CNTN1: variants seen among roughly 807,000 people sequenced by gnomAD.
CNTN1 encodes contactin 1, also known as contactin-1.
Under a neutral mutation model 126.4 loss-of-function variants are expected in CNTN1, and 38 were observed. The observed-to-expected ratio is 0.30, with a 90% CI of 0.23 to 0.39. The LOEUF is 0.39. CNTN1 is among the 10% of genes least tolerant of loss of function. The pLI is 1.00. For synonymous variants in CNTN1, 413 were observed against 422.6 expected (o/e 0.98, Z 0.28); for missense variants, 1,009 against 1,248.4 (o/e 0.81, Z 2.89).
chr12:40,789,337 T>G (rs11178380), intron 1 of CNTN1, among the ~76,000 whole-genome samples: 12,112 of 152,188 alleles, frequency 0.08, 553 homozygotes, highest in Non-Finnish European at 0.094. Context: ...TGGGTTCCCT[T>G]CTTTCTCAGA....
chr12:40,823,645 T>C (rs1283693471), intron 1 of CNTN1, among the ~76,000 whole-genome samples: 1 of 152,206 alleles, frequency 6.6e-6, no homozygotes, highest in East Asian at 1.9e-4. Flanking sequence ...ATATGTTTAC[T>C]TATCCACATT....
At chr12:40,926,224 T>TAGATAG (rs1945690748) in intron 6 of CNTN1, among the ~76,000 whole-genome samples, 3 of 83,284 alleles carry the variant, frequency 3.6e-5, no homozygotes, top group East Asian at 4.2e-4. Flanking sequence ...TAGATAGATA[T>TAGATAG]AATGCAGGGA....
intron 1 of CNTN1, among the ~76,000 whole-genome samples, chr12:40,825,787 CTT>C (rs767956011): frequency 3.3e-5 from 5 of 152,090 alleles, no homozygotes; most frequent in Non-Finnish European, 7.4e-5. Flanking sequence ...TATTTCTCTA[CTT>C]TGCTGGGTTC....
chr12:40,824,346 C>T (rs1941541520), intron 1 of CNTN1, among the ~76,000 whole-genome samples: 3 of 152,024 alleles, frequency 2.0e-5, no homozygotes, highest in Admixed American at 1.3e-4. Flanking sequence ...CCTGGAAATG[C>T]CTTCAAGCCT....
At chr12:40,866,175 C>T (rs893214503) in intron 1 of CNTN1, among the ~76,000 whole-genome samples, 1 of 152,004 alleles carries the variant, frequency 6.6e-6, no homozygotes, top group Non-Finnish European at 1.5e-5. Context: ...TACCCTGAAA[C>T]CTTGCTGAAT....
intron 1 of CNTN1, among the ~76,000 whole-genome samples, chr12:40,887,131 G>A (rs978826969): frequency 6.6e-6 from 1 of 151,840 alleles, no homozygotes; most frequent in African/African-American, 2.4e-5. Flanking sequence ...TGATGGGGAT[G>A]GCATTGAATC....
At chr12:40,737,326 A>AGTGT (rs372061727) in intron 1 of CNTN1, among the ~76,000 whole-genome samples, 38 of 119,010 alleles carry the variant, frequency 3.2e-4, no homozygotes, top group Middle Eastern at 4.7e-3. Context: ...TATACATGGG[A>AGTGT]GTGTGTGTGT....
chr12:40,710,677 T>A (rs1261656794), intron 1 of CNTN1, among the ~76,000 whole-genome samples: 1 of 152,222 alleles, frequency 6.6e-6, no homozygotes, highest in Non-Finnish European at 1.5e-5. Flanking sequence ...GTGGTAGATA[T>A]GAATATAGTG....
intron 20 of CNTN1, among the ~76,000 whole-genome samples, chr12:41,024,524 AC>A (rs1299520618): frequency 1.3e-5 from 2 of 152,076 alleles, no homozygotes; most frequent in African/African-American, 4.8e-5. Flanking sequence ...AAAATCGATA[AC>A]TTTTTTAAAA....
At chr12:40,804,042 A>G (rs1041346) in intron 1 of CNTN1, among the ~76,000 whole-genome samples, 4,091 of 152,084 alleles carry the variant, frequency 0.027, 81 homozygotes, top group Non-Finnish European at 0.043. Context: ...TCTAGTTCCA[A>G]ACTTTACTGC....
At chr12:40,777,205 C>A (rs1262229660) in intron 1 of CNTN1, among the ~76,000 whole-genome samples, 1 of 151,474 alleles carries the variant, frequency 6.6e-6, no homozygotes, top group Non-Finnish European at 1.5e-5. Flanking sequence ...ATCTAGTCAA[C>A]CATGCTAGGA....
At chr12:40,748,497 A>G (rs1592043793) in intron 1 of CNTN1, among the ~76,000 whole-genome samples, 2 of 152,254 alleles carry the variant, frequency 1.3e-5, no homozygotes, top group Admixed American at 1.3e-4. Context: ...CTAAAGATTG[A>G]TTGTGCACAC....
intron 1 of CNTN1, among the ~76,000 whole-genome samples, chr12:40,846,032 T>A (rs970619135): frequency 7.9e-5 from 12 of 152,062 alleles, no homozygotes; most frequent in African/African-American, 2.9e-4. Context: ...AGCAAACAGA[T>A]CTATGGGAAA....
chr12:40,783,599 T>A (rs1197817315), intron 1 of CNTN1, among the ~76,000 whole-genome samples: 9 of 152,116 alleles, frequency 5.9e-5, no homozygotes, highest in Non-Finnish European at 1.3e-4. Flanking sequence ...CCTTAAGCAT[T>A]TTCTTTCATA....
intron 1 of CNTN1, among the ~76,000 whole-genome samples, chr12:40,846,696 T>A (rs529813168): frequency 1.0e-5 from 1 of 99,968 alleles, no homozygotes; most frequent in African/African-American, 3.2e-5. Flanking sequence ...TAAATTTTTG[T>A]TGTTGTTGCT....
At chr12:40,861,910 T>C (rs1419063387) in intron 1 of CNTN1, among the ~76,000 whole-genome samples, 1 of 152,146 alleles carries the variant, frequency 6.6e-6, no homozygotes, top group African/African-American at 2.4e-5. Context: ...AACATATTGT[T>C]ACTATTTTTG....
At chr12:40,779,830 T>A (rs1592078446) in intron 1 of CNTN1, among the ~76,000 whole-genome samples, 2 of 151,938 alleles carry the variant, frequency 1.3e-5, no homozygotes, top group South Asian at 4.1e-4. Flanking sequence ...TTCAGCAGGA[T>A]ATATTTTAGC....
intron 17 of CNTN1, among the ~76,000 whole-genome samples, chr12:40,994,346 T>G (rs952517719): frequency 3.3e-5 from 5 of 152,098 alleles, no homozygotes; most frequent in Non-Finnish European, 7.4e-5. Context: ...ACTCCATGAT[T>G]AAAGGTCTGT....
intron 1 of CNTN1, among the ~76,000 whole-genome samples, chr12:40,705,368 G>T (rs554275979): frequency 4.6e-5 from 7 of 152,186 alleles, no homozygotes; most frequent in African/African-American, 1.7e-4. Context: ...CTCAGCTTGC[G>T]TATGCTTATA....
Sources: gnomAD v4.1 joint callset for allele counts (sites outside exome capture counted in the v4.1 genomes callset) on GRCh38, gnomAD v4.1.1 for gene constraint, MANE v1.5 for transcripts, NCBI Gene and HGNC (gene_info 2026-07-23, HGNC 2026-07-21) for gene names.